The following NEGR1 variants were observed in gnomAD, a reference collection of about 807,000 sequenced individuals.
NEGR1 encodes neuronal growth regulator 1, also known as IgLON family member 4.
A neutral mutation model predicts 40.9 loss-of-function variants in NEGR1; 10 were observed. The ratio of observed to expected loss-of-function variants is 0.24; its 90% CI spans 0.15 to 0.42. The LOEUF is 0.42. NEGR1 is among the 10% of genes least tolerant of loss of function. The pLI, the probability that NEGR1 is intolerant of heterozygous loss-of-function variation, is 1.00. For synonymous variants in NEGR1, 185 were observed against 166.8 expected (o/e 1.11, Z -0.84); for missense variants, 352 against 438.9 (o/e 0.80, Z 1.77).
intron 4 of NEGR1, among the ~76,000 whole-genome samples, chr1:71,663,016 G>A (rs1330110057): frequency 7.9e-5 from 12 of 151,762 alleles, no homozygotes; most frequent in Admixed American, 7.9e-4. Flanking sequence ...GAGTGCAGTG[G>A]CACGATCTCG....
chr1:71,951,898 T>C (rs956663484), intron 1 of NEGR1, among the ~76,000 whole-genome samples: 2 of 151,926 alleles, frequency 1.3e-5, no homozygotes, highest in Non-Finnish European at 2.9e-5. Flanking sequence ...TAATCAGTTA[T>C]CTTTGATGTT....
At chr1:72,020,957 T>G (rs549727497) in intron 1 of NEGR1, among the ~76,000 whole-genome samples, 1 of 152,204 alleles carries the variant, frequency 6.6e-6, no homozygotes, top group Non-Finnish European at 1.5e-5. Flanking sequence ...ATTAATGAGA[T>G]TAACTCAATG....
intron 6 of NEGR1, among the ~76,000 whole-genome samples, chr1:71,465,523 A>G (rs565111991): frequency 4.9e-4 from 75 of 152,156 alleles, no homozygotes; most frequent in African/African-American, 1.8e-3. Context: ...AAGAATAACA[A>G]TCTTTTGAAA....
intron 2 of NEGR1, among the ~76,000 whole-genome samples, chr1:71,894,404 G>C (rs1660905622): frequency 6.6e-6 from 1 of 152,108 alleles, no homozygotes; most frequent in South Asian, 2.1e-4. Flanking sequence ...AAAGTGAGTA[G>C]CAATTCATAA....
At chr1:72,159,051 A>G (rs1651461351) in intron 1 of NEGR1, among the ~76,000 whole-genome samples, 1 of 152,134 alleles carries the variant, frequency 6.6e-6, no homozygotes, top group African/African-American at 2.4e-5. Flanking sequence ...TGCCTCAATA[A>G]TGTGAAATTT....
At chr1:71,684,633 A>AT (rs1652961801) in intron 4 of NEGR1, among the ~76,000 whole-genome samples, 1 of 152,166 alleles carries the variant, frequency 6.6e-6, no homozygotes, top group African/African-American at 2.4e-5. Context: ...TTCGAGAATA[A>AT]TCTCCCTGCC....
intron 2 of NEGR1, among the ~76,000 whole-genome samples, chr1:71,836,562 C>A (rs1328460269): frequency 6.6e-6 from 1 of 151,262 alleles, no homozygotes; most frequent in African/African-American, 2.4e-5. Flanking sequence ...CCTGCTGGAA[C>A]ATTATTTCTT....
chr1:71,719,331 G>T (rs1200380487), intron 3 of NEGR1, among the ~76,000 whole-genome samples: 1 of 152,086 alleles, frequency 6.6e-6, no homozygotes, highest in African/African-American at 2.4e-5. Flanking sequence ...AAGAATAAAA[G>T]ATAATTAAAT....
chr1:71,766,420 C>T (rs1415597863), intron 3 of NEGR1, among the ~76,000 whole-genome samples: 1 of 152,156 alleles, frequency 6.6e-6, no homozygotes, highest in Non-Finnish European at 1.5e-5. Context: ...CTTATCAAAA[C>T]ATTAAGCATA....
At chr1:72,000,665 T>C (rs1360271933) in intron 1 of NEGR1, among the ~76,000 whole-genome samples, 1 of 152,188 alleles carries the variant, frequency 6.6e-6, no homozygotes, top group African/African-American at 2.4e-5. Flanking sequence ...TTTTCTACAC[T>C]CTTAGGTTAC....
chr1:71,599,022 G>C (rs1276235162), intron 5 of NEGR1, among the ~76,000 whole-genome samples: 1 of 152,178 alleles, frequency 6.6e-6, no homozygotes, highest in East Asian at 1.9e-4. Context: ...AATAGGTATA[G>C]AGTAATTGTT....
At chr1:71,998,961 A>T (rs1229957936) in intron 1 of NEGR1, among the ~76,000 whole-genome samples, 2 of 151,926 alleles carry the variant, frequency 1.3e-5, no homozygotes, top group African/African-American at 4.8e-5. Context: ...TCTGTGAGAC[A>T]TCTATCTTAG....
chr1:72,127,225 G>A (rs12030409), intron 1 of NEGR1, among the ~76,000 whole-genome samples: 10,580 of 152,050 alleles, frequency 0.07, 623 homozygotes, highest in East Asian at 0.33. Context: ...GGTACTTTGG[G>A]AGGCCGAGGC....
chr1:71,483,420 C>T (rs1175728258), intron 6 of NEGR1, among the ~76,000 whole-genome samples: 1 of 151,542 alleles, frequency 6.6e-6, no homozygotes, highest in Non-Finnish European at 1.5e-5. Context: ...ACATGGGGCC[C>T]ATTTAGGAAA....
At chr1:71,927,860 G>A (rs12062527) in intron 2 of NEGR1, among the ~76,000 whole-genome samples, 1 of 119,202 alleles carries the variant, frequency 8.4e-6, no homozygotes, top group African/African-American at 3.5e-5. Flanking sequence ...AAGCCAGGCA[G>A]AGTGGTGTGC....
chr1:71,479,579 C>T (rs1212899013), intron 6 of NEGR1, among the ~76,000 whole-genome samples: 1 of 151,938 alleles, frequency 6.6e-6, no homozygotes, highest in Non-Finnish European at 1.5e-5. Flanking sequence ...ACACCCAATC[C>T]TACATTGTGA....
At chr1:71,481,748 T>A (rs1415741101) in intron 6 of NEGR1, among the ~76,000 whole-genome samples, 1 of 142,036 alleles carries the variant, frequency 7.0e-6, no homozygotes, top group Non-Finnish European at 1.5e-5. Context: ...ATTTAAGCAT[T>A]TTTTGAGGTG....
intron 1 of NEGR1, among the ~76,000 whole-genome samples, chr1:72,079,207 ATTC>A (rs1647881566): frequency 6.6e-6 from 1 of 151,514 alleles, no homozygotes; most frequent in African/African-American, 2.4e-5. Flanking sequence ...TAATTTGAGC[ATTC>A]TTAATACTCA....
chr1:72,200,628 C>A lies in NEGR1; in HGVS notation c.176+81691G>T, dbSNP rs181695435. Among the ~76,000 whole-genome samples the A allele has an allele frequency of 9.9e-5, 15 of 151,948 alleles. No homozygotes were observed. The East Asian group carries it at 2.1e-3, about 22-fold the overall frequency. The stretch of plus-strand genomic sequence containing the variant: ...CCCGTGTAAAAAACCTGTACATGTA[C>A]CCCCAAACCTAAAGTAAAAGTAGAA... On this transcript the variant is annotated intron_variant, in intron 1 of 6. Coordinates refer to ENST00000357731, the MANE Select transcript of NEGR1 (RefSeq NM_173808.3).
Sources: allele counts gnomAD v4.1 joint callset (sites outside exome capture counted in the v4.1 genomes callset), GRCh38; gene constraint gnomAD v4.1.1; transcripts MANE v1.5; gene names NCBI Gene and HGNC (gene_info 2026-07-23, HGNC 2026-07-21).